The following CALD1 variants were observed in gnomAD, a reference collection of about 807,000 sequenced individuals.
The protein encoded by CALD1 is caldesmon.
In CALD1, 33 loss-of-function variants were observed where a neutral mutation model predicts 99.9. The ratio of observed to expected loss-of-function variants is 0.33; its 90% confidence interval spans 0.25 to 0.44. The LOEUF is 0.44. Ranked by LOEUF, CALD1 falls within the 20% of genes least tolerant of loss-of-function variation. CALD1 has a pLI of 1.00. For synonymous variants in CALD1, 310 were observed against 325.0 expected (o/e 0.95, Z 0.50); for missense variants, 861 against 962.1 (o/e 0.89, Z 1.39).
At chr7:134,866,456 T>C (rs1189288043) in intron 2 of CALD1, among the ~76,000 whole-genome samples, 1 of 152,150 alleles carries the variant, frequency 6.6e-6, no homozygotes, top group African/African-American at 2.4e-5. Context: ...AATTCAAACA[T>C]TGTATAGTTT....
the CALD1 span, among the ~76,000 whole-genome samples, chr7:134,722,448 T>A: frequency 0.42 from 63,622 of 151,732 alleles, 14,963 homozygotes; most frequent in African/African-American, 0.64. Context: ...TGAGATGGAA[T>A]CTTCCTCTGT....
At chr7:134,750,883 T>G (rs12539164) in intron 1 of CALD1, among the ~76,000 whole-genome samples, 101,375 of 151,872 alleles carry the variant, frequency 0.67, 34,464 homozygotes, top group East Asian at 0.99. Context: ...TTTCTGTTTT[T>G]GGGTTACTCA....
intron 2 of CALD1, among the ~76,000 whole-genome samples, chr7:134,858,180 G>A (rs1050330314): frequency 8.6e-5 from 13 of 151,978 alleles, no homozygotes; most frequent in African/African-American, 3.1e-4. Context: ...GTTTACAACT[G>A]GGAAAGGCCC....
chr7:134,779,583 A>C, upstream of CALD1: 1 of 398,254 alleles, frequency 2.5e-6, no homozygotes, highest in South Asian at 1.3e-4. Flanking sequence ...CTTAGCATGG[A>C]CTTCTGGGAG....
intron 3 of CALD1, among the ~76,000 whole-genome samples, chr7:134,888,392 C>T (rs1801981334): frequency 6.6e-6 from 1 of 152,224 alleles, no homozygotes; most frequent in African/African-American, 2.4e-5. Context: ...CACTGGGTAC[C>T]ATTCTCTGCT....
At chr7:134,722,773 A>T in the CALD1 span, among the ~76,000 whole-genome samples, 1 of 151,424 alleles carries the variant, frequency 6.6e-6, no homozygotes, top group African/African-American at 2.4e-5. Flanking sequence ...CACCCCCTCC[A>T]CCTTTCCTTT....
the CALD1 span, chr7:134,735,171 T>G: frequency 6.6e-6 from 1 of 152,536 alleles, no homozygotes; most frequent in Non-Finnish European, 1.5e-5. Flanking sequence ...TATCTGGATA[T>G]GAAAACTGGT....
intron 3 of CALD1, among the ~76,000 whole-genome samples, chr7:134,910,652 TACACACAC>T (rs146858263): frequency 6.7e-6 from 1 of 149,422 alleles, no homozygotes; most frequent in African/African-American, 2.4e-5. Context: ...TGCACACACG[TACACACAC>T]ACACACACAC....
At chr7:134,779,544 C>G (rs537164771), upstream of CALD1, 12 of 396,140 alleles carry the variant, frequency 3.0e-5, no homozygotes, top group Non-Finnish European at 5.3e-5. Context: ...CACCGCCTCC[C>G]GACTGTAAAC....
At chr7:134,932,030 A>G (rs907019820) in intron 4 of CALD1, among the ~76,000 whole-genome samples, 1 of 152,172 alleles carries the variant, frequency 6.6e-6, no homozygotes, top group African/African-American at 2.4e-5. Context: ...CTCAATCCCT[A>G]GGGCTTGGTG....
rs145360343 is a variant in CALD1 at position 134,858,991 on chromosome 7, G to C, written c.-41-8702G>C. 7.7e-4 allele frequency among the ~76,000 whole-genome samples: 118 copies of C among 152,296 alleles called. 2 individuals are homozygous for C. The highest frequency in any genetic ancestry group is 2.7e-3 in the African/African-American group (112 of 41,566). ...AATGGCTACTGAGCTCTTGAAATGGGACTGGTGAAGCTGAGGAACTGAATT... is the reference window on the plus strand; with the variant it reads ...AATGGCTACTGAGCTCTTGAAATGGCACTGGTGAAGCTGAGGAACTGAATT... On this transcript the variant is annotated intron_variant, in intron 2 of 14. Coordinates refer to ENST00000361675, the MANE Select transcript of CALD1 (RefSeq NM_033138.4).
At chr7:134,838,026 A>C (rs992832357) in intron 1 of CALD1, among the ~76,000 whole-genome samples, 1 of 152,254 alleles carries the variant, frequency 6.6e-6, no homozygotes, top group Non-Finnish European at 1.5e-5. Flanking sequence ...TGTTTGCTAC[A>C]GAATGCCACA....
At chr7:134,891,463 A>G in intron 3 of CALD1, 1 of 1,350,100 alleles carries the variant, frequency 7.4e-7, no homozygotes. Flanking sequence ...GGGACAGACC[A>G]ACGTGTTAAC....
chr7:134,756,224 A>G (rs1449057886), intron 1 of CALD1, among the ~76,000 whole-genome samples: 1 of 141,716 alleles, frequency 7.1e-6, no homozygotes, highest in African/African-American at 2.7e-5. Context: ...GTGAGCCTAA[A>G]TCGCACCATT....
chr7:134,715,872 G>T, the CALD1 span, among the ~76,000 whole-genome samples: 3 of 152,184 alleles, frequency 2.0e-5, no homozygotes, highest in Non-Finnish European at 4.4e-5. Context: ...CTTTTATGGA[G>T]CTAAAAGTTA....
chr7:134,793,399 T>A (rs916897703), intron 1 of CALD1, among the ~76,000 whole-genome samples: 1 of 152,244 alleles, frequency 6.6e-6, no homozygotes, highest in Non-Finnish European at 1.5e-5. Context: ...TTATACTTTT[T>A]CTCTCAACAG....
At chr7:134,833,401 G>T (rs1799309305) in intron 1 of CALD1, among the ~76,000 whole-genome samples, 1 of 152,170 alleles carries the variant, frequency 6.6e-6, no homozygotes, top group African/African-American at 2.4e-5. Context: ...TTTTAAAAAA[G>T]ATAGCAGCTT....
chr7:134,711,690 G>A, the CALD1 span, among the ~76,000 whole-genome samples: 14,510 of 78,482 alleles, frequency 0.18, 904 homozygotes, highest in East Asian at 0.33. Context: ...ATGTGTGTGT[G>A]TGTGTGTGTG....
chr7:134,755,127 A>G lies in CALD1; in HGVS notation c.-130+10764A>G, dbSNP rs113465126. ...GCTATTCTCCTGCCTCAGACTTCTGAGTAGCTGGGATTACAGGCGCCCACT... is the reference window on the plus strand; with the variant it reads ...GCTATTCTCCTGCCTCAGACTTCTGGGTAGCTGGGATTACAGGCGCCCACT... On this transcript the variant is annotated intron_variant, in intron 1 of 13. Coordinates refer to the CALD1 transcript ENST00000417172. 1.5e-3 allele frequency among the ~76,000 whole-genome samples: 230 copies of G among 152,024 alleles called. 3 individuals carry two copies. The highest frequency in any genetic ancestry group is 5.3e-3 in the African/African-American group (219 of 41,468).
Sources: gnomAD v4.1 joint callset for allele counts (sites outside exome capture counted in the v4.1 genomes callset) on GRCh38, gnomAD v4.1.1 for gene constraint, MANE v1.5 for transcripts, NCBI Gene and HGNC (gene_info 2026-07-23, HGNC 2026-07-21) for gene names.